Variants in MBD5 observed in about 807,000 individuals in gnomAD.
MBD5 encodes methyl-CpG-binding domain protein 5.
MBD5 carries 13 observed loss-of-function variants against 117.3 expected under a neutral mutation model. That is an observed-to-expected ratio of 0.11 (90% confidence interval 0.07 to 0.18). MBD5 has a LOEUF of 0.18. MBD5 is among the 10% of genes least tolerant of loss of function. The pLI, the probability that MBD5 is intolerant of heterozygous loss-of-function variation, is 1.00. For synonymous variants in MBD5, 727 were observed against 766.4 expected, an observed-to-expected ratio of 0.95 and a Z score of 0.85; for missense variants, 1,879 against 2,093.8, an observed-to-expected ratio of 0.90 and a Z score of 2.00.
rs70992189 is a variant in MBD5 at position 148,052,206 on chromosome 2, G to GTT, written c.-925+30542_-925+30543dup. Among the ~76,000 whole-genome samples the GTT allele has an allele frequency of 3.1e-3, 261 of 83,736 alleles. 23 individuals carry two copies. The highest frequency in any genetic ancestry group is 5.0e-3 in the African/African-American group (105 of 20,980). The allele number at this position is 83,736 out of a possible 152,430, so 54.9% of individuals were successfully genotyped here. A position where few individuals can be genotyped will look rare whatever the true frequency, so the allele number is the denominator to read the frequency against. ...TCTTATGGTATAAGACTGTTATTGA[G>GTT]TTTTTTTTTTTTTTTTTTTTTGAGA... On this transcript the variant is annotated intron_variant, in intron 1 of 13. Coordinates refer to ENST00000642680, the MANE Select transcript of MBD5 (RefSeq NM_001378120.1).
intron 4 of MBD5, among the ~76,000 whole-genome samples, chr2:148,352,792 G>A (rs1156637069): frequency 6.6e-6 from 1 of 151,982 alleles, no homozygotes; most frequent in Non-Finnish European, 1.5e-5. Context: ...CAGATTTTTG[G>A]AAGTTTTGGA....
intron 1 of MBD5, among the ~76,000 whole-genome samples, chr2:148,129,037 C>T (rs1436857960): frequency 6.6e-6 from 1 of 150,692 alleles, no homozygotes; most frequent in Non-Finnish European, 1.5e-5. Flanking sequence ...TTTCAAATTG[C>T]CTTTCGTCTT....
At chr2:148,351,556 ATGC>A (rs1309270946) in intron 4 of MBD5, among the ~76,000 whole-genome samples, 3 of 144,548 alleles carry the variant, frequency 2.1e-5, no homozygotes, top group Middle Eastern at 6.9e-3. Flanking sequence ...ACTATAAGTA[ATGC>A]TGCTGCACAC....
chr2:148,327,962 C>A (rs1015696866), intron 3 of MBD5, among the ~76,000 whole-genome samples: 1 of 152,106 alleles, frequency 6.6e-6, no homozygotes, highest in African/African-American at 2.4e-5. Context: ...TTTTCCCCAT[C>A]TTTGTGGTTT....
chr2:148,491,359 A>T (rs1251248837), intron 11 of MBD5, among the ~76,000 whole-genome samples: 2 of 149,998 alleles, frequency 1.3e-5, no homozygotes, highest in Admixed American at 6.6e-5. Flanking sequence ...GGCAAGAAAT[A>T]TGCAGAGTGT....
intron 1 of MBD5, among the ~76,000 whole-genome samples, chr2:148,036,405 A>G (rs79294902): frequency 3.3e-5 from 5 of 152,280 alleles, no homozygotes; most frequent in Non-Finnish European, 7.4e-5. Flanking sequence ...AAATGTAAAG[A>G]TATGTTCTTC....
chr2:148,355,992 C>T (rs6734448), intron 4 of MBD5, among the ~76,000 whole-genome samples: 110,254 of 152,070 alleles, frequency 0.73, 40,772 homozygotes, highest in African/African-American at 0.89. Context: ...CTCTCTCACT[C>T]TCTTGAGCAG....
At chr2:148,189,103 C>A (rs957837937) in intron 2 of MBD5, among the ~76,000 whole-genome samples, 1 of 144,192 alleles carries the variant, frequency 6.9e-6, no homozygotes, top group Non-Finnish European at 1.5e-5. Flanking sequence ...CTCAGAGGGT[C>A]CTACGCCCAC....
chr2:148,170,985 T>G (rs1698249988), intron 1 of MBD5, among the ~76,000 whole-genome samples: 1 of 152,196 alleles, frequency 6.6e-6, no homozygotes, highest in African/African-American at 2.4e-5. Context: ...GAGATTGAAT[T>G]AGTAATCAAA....
intron 1 of MBD5, among the ~76,000 whole-genome samples, chr2:148,164,709 C>G (rs190013486): frequency 1.2e-3 from 189 of 152,250 alleles, no homozygotes; most frequent in Non-Finnish European, 2.2e-3. Context: ...TCCTGTTTCA[C>G]TTACATTGAT....
intron 1 of MBD5, chr2:148,062,677 A>G (rs1695072282): frequency 6.6e-6 from 1 of 152,046 alleles, no homozygotes; most frequent in African/African-American, 2.4e-5. Flanking sequence ...TTGAATCATA[A>G]AATCACTCCT....
At chr2:148,416,348 G>A (rs1411990877) in intron 4 of MBD5, among the ~76,000 whole-genome samples, 1 of 152,138 alleles carries the variant, frequency 6.6e-6, no homozygotes, top group East Asian at 1.9e-4. Flanking sequence ...GGGCCAAGGT[G>A]TACTCAATCC....
At chr2:148,413,286 A>G (rs2105199696) in intron 4 of MBD5, among the ~76,000 whole-genome samples, 1 of 152,288 alleles carries the variant, frequency 6.6e-6, no homozygotes, top group African/African-American at 2.4e-5. Context: ...CATATGTTGA[A>G]GTAATCTTAC....
chr2:148,063,232 T>A (rs1413518502), intron 1 of MBD5, among the ~76,000 whole-genome samples: 1 of 152,180 alleles, frequency 6.6e-6, no homozygotes, highest in East Asian at 1.9e-4. Flanking sequence ...AAGTCATTAG[T>A]TTTGAATTTG....
At chr2:148,197,162 C>T (rs1162614484) in intron 2 of MBD5, among the ~76,000 whole-genome samples, 3 of 152,078 alleles carry the variant, frequency 2.0e-5, no homozygotes, top group Non-Finnish European at 4.4e-5. Flanking sequence ...AAGGCAATCC[C>T]GTTCTGCTAG....
chr2:148,171,123 A>G (rs1347891257), intron 1 of MBD5, among the ~76,000 whole-genome samples: 1 of 152,208 alleles, frequency 6.6e-6, no homozygotes, highest in Non-Finnish European at 1.5e-5. Flanking sequence ...AATACTTTCA[A>G]ACTCTTTTTA....
intron 4 of MBD5, among the ~76,000 whole-genome samples, chr2:148,442,045 A>G (rs562749392): frequency 2.8e-4 from 42 of 151,944 alleles, no homozygotes; most frequent in Non-Finnish European, 5.9e-4. Flanking sequence ...ATTTTCTCCT[A>G]TTCTGTAGGT....
intron 1 of MBD5, among the ~76,000 whole-genome samples, chr2:148,033,622 A>G (rs1694103540): frequency 6.6e-6 from 1 of 152,220 alleles, no homozygotes; most frequent in Admixed American, 6.5e-5. Flanking sequence ...TTTATTAAGA[A>G]GAAAATATCA....
At chr2:148,095,267 T>G (rs1369322049) in intron 1 of MBD5, among the ~76,000 whole-genome samples, 2 of 152,182 alleles carry the variant, frequency 1.3e-5, no homozygotes, top group Non-Finnish European at 2.9e-5. Flanking sequence ...AGATAACATT[T>G]TTTAAAGTAC....
Sources: allele counts gnomAD v4.1 joint callset (sites outside exome capture counted in the v4.1 genomes callset), GRCh38; gene constraint gnomAD v4.1.1; transcripts MANE v1.5; gene names NCBI Gene and HGNC (gene_info 2026-07-23, HGNC 2026-07-21).